PXDNL: variants seen among roughly 807,000 people sequenced by gnomAD.
PXDNL encodes the protein probable oxidoreductase PXDNL.
Under a neutral mutation model 150.8 loss-of-function variants are expected in PXDNL, and 145 were observed. The observed-to-expected ratio is 0.96, with a 90% confidence interval of 0.84 to 1.10. The LOEUF is 1.10. Ranked by LOEUF, PXDNL falls within the 50% of genes least tolerant of loss-of-function variation. PXDNL has a pLI of 0.00. For missense variants in PXDNL, 2,087 were observed against 1,873.9 expected (o/e 1.11, Z -2.10); for synonymous variants, 757 against 725.7 (o/e 1.04, Z -0.69).
intron 20 of PXDNL, among the ~76,000 whole-genome samples, chr8:51,340,993 A>T (rs554066947): frequency 2.0e-5 from 3 of 152,366 alleles, no homozygotes; most frequent in Admixed American, 6.5e-5. Flanking sequence ...AAAAGACCAC[A>T]CGTGGGAACA....
At chr8:51,642,982 C>G (rs554383679) in intron 2 of PXDNL, among the ~76,000 whole-genome samples, 3 of 152,262 alleles carry the variant, frequency 2.0e-5, no homozygotes, top group African/African-American at 7.2e-5. Flanking sequence ...ATCCAACTTA[C>G]AAGGGATGTG....
At chr8:51,407,058 T>C (rs1808455332) in intron 17 of PXDNL, among the ~76,000 whole-genome samples, 1 of 152,270 alleles carries the variant, frequency 6.6e-6, no homozygotes, top group African/African-American at 2.4e-5. Flanking sequence ...ATAGGTATCC[T>C]GAGATTGAAA....
chr8:51,707,722 T>C (rs1816410202), intron 1 of PXDNL, among the ~76,000 whole-genome samples: 1 of 152,212 alleles, frequency 6.6e-6, no homozygotes, highest in Non-Finnish European at 1.5e-5. Flanking sequence ...TATTCTCTGC[T>C]TCTGTGAATT....
chr8:51,588,384 A>G (rs1215742263), intron 3 of PXDNL, among the ~76,000 whole-genome samples: 3 of 152,202 alleles, frequency 2.0e-5, no homozygotes, highest in African/African-American at 4.8e-5. Context: ...GTACTGCTTC[A>G]CACATCTGTT....
At chr8:51,510,068 G>A (rs1310544753) in intron 4 of PXDNL, among the ~76,000 whole-genome samples, 1 of 152,022 alleles carries the variant, frequency 6.6e-6, no homozygotes, top group Non-Finnish European at 1.5e-5. Flanking sequence ...CAAGATCAGA[G>A]ATAATGCTCT....
intron 6 of PXDNL, 26 bp downstream of exon 6, chr8:51,483,617 G>T (rs1466567654): frequency 1.1e-5 from 15 of 1,376,152 alleles, no homozygotes; most frequent in Non-Finnish European, 1.5e-5. Flanking sequence ...AAAGGTTTTT[G>T]TGTTAATGCA....
chr8:51,473,292 C>CACAT (rs1810390372), intron 7 of PXDNL, among the ~76,000 whole-genome samples: 1 of 151,542 alleles, frequency 6.6e-6, no homozygotes, highest in African/African-American at 2.4e-5. Context: ...CACACACACA[C>CACAT]ACACACACAC....
intron 17 of PXDNL, among the ~76,000 whole-genome samples, chr8:51,398,221 C>A (rs755617060): frequency 6.6e-6 from 1 of 152,214 alleles, no homozygotes; most frequent in South Asian, 2.1e-4. Context: ...AAATCTCGCC[C>A]ACACTGCACA....
In PXDNL at chr8:51,382,824, G is replaced by GA. The variant is rs764499438; in HGVS notation, c.3558-8094dup. ...TATGTCTATGAACTATAAGAGTCCA[G>GA]AAAAAAATAGTACTTAGAAGTTTTA... On this transcript the variant is annotated intron_variant, in intron 17 of 22. Transcript: ENST00000356297. Among the ~76,000 whole-genome samples the GA allele has an allele frequency of 1.4e-4, 22 of 152,192 alleles. No individual in the cohort carries two copies. In the East Asian group the frequency reaches 2.9e-3, roughly 20 times the overall value.
chr8:51,515,876 T>C (rs1811523850), intron 4 of PXDNL, among the ~76,000 whole-genome samples: 1 of 152,244 alleles, frequency 6.6e-6, no homozygotes, highest in African/African-American at 2.4e-5. Context: ...TCCTCTTTCC[T>C]AATTTCATGT....
At chr8:51,743,047 GA>G (rs2036924096) in intron 1 of PXDNL, among the ~76,000 whole-genome samples, 1 of 152,300 alleles carries the variant, frequency 6.6e-6, no homozygotes, top group East Asian at 1.9e-4. Context: ...TCAATTTGCA[GA>G]AGGGCAAAGG....
intron 1 of PXDNL, among the ~76,000 whole-genome samples, chr8:51,799,439 T>C (rs749361150): frequency 6.6e-6 from 1 of 152,184 alleles, no homozygotes; most frequent in Non-Finnish European, 1.5e-5. Context: ...AAATGTGAGG[T>C]ACAAGTAAAT....
intron 17 of PXDNL, among the ~76,000 whole-genome samples, chr8:51,379,080 C>A (rs897137673): frequency 6.6e-6 from 1 of 152,126 alleles, no homozygotes; most frequent in African/African-American, 2.4e-5. Context: ...CTGTCCTTCC[C>A]ATTTTTTTGT....
intron 2 of PXDNL, among the ~76,000 whole-genome samples, chr8:51,612,019 T>C (rs1814016872): frequency 6.6e-6 from 1 of 152,220 alleles, no homozygotes; most frequent in African/African-American, 2.4e-5. Flanking sequence ...ATGCTTCCCC[T>C]TCTCTTGAAA....
intron 12 of PXDNL, among the ~76,000 whole-genome samples, chr8:51,431,936 C>T (rs1809256728): frequency 6.6e-6 from 1 of 152,024 alleles, no homozygotes; most frequent in Non-Finnish European, 1.5e-5. Context: ...AACACACTTG[C>T]CAGTTATATA....
chr8:51,772,399 CAGA>C (rs986940995), intron 1 of PXDNL, among the ~76,000 whole-genome samples: 2 of 151,980 alleles, frequency 1.3e-5, no homozygotes, highest in African/African-American at 2.4e-5. Context: ...TTTATTTTTT[CAGA>C]AGAAGATTCT....
intron 1 of PXDNL, among the ~76,000 whole-genome samples, chr8:51,788,442 G>C (rs1176709902): frequency 1.3e-5 from 2 of 152,162 alleles, no homozygotes; most frequent in African/African-American, 4.8e-5. Context: ...GAGTGGAAGA[G>C]ACAGTAATCA....
intron 2 of PXDNL, among the ~76,000 whole-genome samples, chr8:51,645,436 G>A (rs1398173720): frequency 1.3e-5 from 2 of 152,180 alleles, no homozygotes; most frequent in African/African-American, 4.8e-5. Context: ...AGATGATTGA[G>A]ATCATATAAC....
At chr8:51,532,863 T>C (rs1163473278) in intron 4 of PXDNL, among the ~76,000 whole-genome samples, 3 of 152,214 alleles carry the variant, frequency 2.0e-5, no homozygotes, top group African/African-American at 7.2e-5. Flanking sequence ...GGTACCATAC[T>C]AACTCCCAAA....
Sources: gnomAD v4.1 joint callset for allele counts (sites outside exome capture counted in the v4.1 genomes callset) on GRCh38, gnomAD v4.1.1 for gene constraint, MANE v1.5 for transcripts, NCBI Gene and HGNC (gene_info 2026-07-23, HGNC 2026-07-21) for gene names.